The following ZNF804A variants were observed in gnomAD, a reference collection of about 807,000 sequenced individuals.
ZNF804A encodes zinc finger protein 804A.
A neutral mutation model predicts 16.5 loss-of-function variants in ZNF804A; 2 were observed. The ratio of observed to expected loss-of-function variants is 0.12; its 90% CI spans 0.05 to 0.38. The LOEUF is 0.38. Ranked by LOEUF, ZNF804A falls within the 10% of genes least tolerant of loss-of-function variation. The pLI, the probability that ZNF804A is intolerant of heterozygous loss-of-function variation, is 0.99. For missense variants in ZNF804A, 1,473 were observed against 1,390.7 expected (o/e 1.06, Z -0.94); for synonymous variants, 534 against 489.6 (o/e 1.09, Z -1.20).
At position 184,939,082 on chromosome 2, in the gene ZNF804A, A is replaced by G. The variant is rs879150486; in HGVS notation, c.*56A>G. 2.4e-5 allele frequency: 37 copies of G among 1,571,778 alleles called. No homozygotes were observed. The South Asian group carries it at 3.9e-4, about 17-fold the overall frequency. ...GTGAAAACTATTGCTATATGCGTTA[A>G]GTGTTCATCTATGTGGGTACATGGC... On this transcript the variant is annotated 3_prime_UTR_variant, in exon 4 of 4. Transcript: ENST00000302277.
At chr2:184,922,363 C>G (rs1234205432) in intron 2 of ZNF804A, among the ~76,000 whole-genome samples, 1 of 152,020 alleles carries the variant, frequency 6.6e-6, no homozygotes, top group East Asian at 1.9e-4. Context: ...TGATGTTGAG[C>G]ACATTTTCAC....
rs1378582284 is a variant in ZNF804A, at chr2:184,937,782, T to C, written c.2386T>C (p.Leu796=). The C allele has an allele frequency of 3.1e-6, 5 of 1,613,912 alleles. No individual in the cohort carries two copies. The highest frequency in any genetic ancestry group is 2.2e-5 in the East Asian group (1 of 44,876). ...ACAGAATCATTTACCAGAAGAATTT[T>C]TGAGGCCACCAAGTACTTCAGTTGC... is the stretch of plus-strand genomic sequence containing the variant. ...NRQNHLPEEF[L]RPPSTSVAPC... The change falls in exon 4 of 4, where the codon TTG becomes CTG. Residue 796 remains leucine (L), a synonymous_variant. Coordinates refer to ENST00000302277, the MANE Select transcript of ZNF804A (RefSeq NM_194250.2).
intron 1 of ZNF804A, among the ~76,000 whole-genome samples, chr2:184,671,123 A>G (rs1257934728): frequency 6.6e-6 from 1 of 152,156 alleles, no homozygotes. Flanking sequence ...CCAAGCAGTA[A>G]TCAGTTCAGG....
At chr2:184,694,094 A>G (rs1236490093) in intron 1 of ZNF804A, among the ~76,000 whole-genome samples, 19 of 149,078 alleles carry the variant, frequency 1.3e-4, no homozygotes, top group Admixed American at 1.3e-3. Context: ...ACATCCTGCT[A>G]TTTTTATTTT....
At chr2:184,808,562 A>G (rs1263635416) in intron 1 of ZNF804A, among the ~76,000 whole-genome samples, 1 of 151,582 alleles carries the variant, frequency 6.6e-6, no homozygotes, top group Non-Finnish European at 1.5e-5. Context: ...TCTTAGTTTT[A>G]AAGCATATAT....
intron 1 of ZNF804A, among the ~76,000 whole-genome samples, chr2:184,800,432 A>G (rs1420785248): frequency 6.6e-6 from 1 of 151,728 alleles, no homozygotes; most frequent in Non-Finnish European, 1.5e-5. Flanking sequence ...TCAATACTAT[A>G]TATTTACTCA....
intron 1 of ZNF804A, among the ~76,000 whole-genome samples, chr2:184,609,569 G>A (rs1691204992): frequency 6.6e-6 from 1 of 152,210 alleles, no homozygotes; most frequent in Admixed American, 6.5e-5. Context: ...TGGAGTCTGG[G>A]AAGTCCAAGA....
At chr2:184,845,930 T>A (rs1489791641) in intron 1 of ZNF804A, among the ~76,000 whole-genome samples, 4 of 152,150 alleles carry the variant, frequency 2.6e-5, no homozygotes, top group Non-Finnish European at 5.9e-5. Flanking sequence ...CTGCTCCAGA[T>A]GAACAGTTCT....
intron 1 of ZNF804A, among the ~76,000 whole-genome samples, chr2:184,748,825 C>T (rs1574193616): frequency 6.6e-6 from 1 of 151,472 alleles, no homozygotes; most frequent in Non-Finnish European, 1.5e-5. Flanking sequence ...TATTTTAGCA[C>T]CATTGATTGA....
chr2:184,902,960 C>G (rs1456215585), intron 2 of ZNF804A, among the ~76,000 whole-genome samples: 1 of 152,156 alleles, frequency 6.6e-6, no homozygotes, highest in Non-Finnish European at 1.5e-5. Context: ...ATAAAAAAGA[C>G]TATACCTTAG....
chr2:184,864,618 G>T (rs994445490), intron 1 of ZNF804A, among the ~76,000 whole-genome samples: 4 of 152,148 alleles, frequency 2.6e-5, no homozygotes, highest in Non-Finnish European at 5.9e-5. Flanking sequence ...TACTATATGT[G>T]ATGTATGCAT....
chr2:184,810,316 A>G (rs1182621104), intron 1 of ZNF804A, among the ~76,000 whole-genome samples: 3 of 152,168 alleles, frequency 2.0e-5, no homozygotes, highest in African/African-American at 7.2e-5. Context: ...TCTGGATCTT[A>G]GATTATTAAC....
At chr2:184,803,422 A>G (rs933453294) in intron 1 of ZNF804A, among the ~76,000 whole-genome samples, 2 of 151,626 alleles carry the variant, frequency 1.3e-5, no homozygotes, top group Non-Finnish European at 2.9e-5. Context: ...AACTTTTTTT[A>G]ATTGTTTTTA....
intron 1 of ZNF804A, among the ~76,000 whole-genome samples, chr2:184,687,856 C>T (rs1175887287): frequency 5.3e-5 from 8 of 152,146 alleles, no homozygotes; most frequent in Non-Finnish European, 1.2e-4. Flanking sequence ...TGGTGGTTCA[C>T]GCCTGTAATC....
intron 1 of ZNF804A, among the ~76,000 whole-genome samples, chr2:184,852,259 CTCTA>C (rs1263466514): frequency 8.7e-5 from 13 of 150,264 alleles, no homozygotes; most frequent in Non-Finnish European, 1.6e-4. Context: ...CTCTCTCTCT[CTCTA>C]TCTCTCAGAA....
intron 1 of ZNF804A, among the ~76,000 whole-genome samples, chr2:184,859,320 A>T (rs963312991): frequency 2.0e-5 from 3 of 151,608 alleles, no homozygotes; most frequent in African/African-American, 7.3e-5. Flanking sequence ...CTCTGACTGT[A>T]TATTTTTAAA....
intron 1 of ZNF804A, among the ~76,000 whole-genome samples, chr2:184,858,055 C>G (rs1695731176): frequency 6.6e-6 from 1 of 151,996 alleles, no homozygotes; most frequent in Non-Finnish European, 1.5e-5. Flanking sequence ...TCGATGCCTT[C>G]CCTTCCATTG....
intron 1 of ZNF804A, among the ~76,000 whole-genome samples, chr2:184,643,225 G>C (rs1691819664): frequency 6.6e-6 from 1 of 151,796 alleles, no homozygotes; most frequent in East Asian, 1.9e-4. Context: ...CTGTGATAAA[G>C]GACAGCAAGT....
chr2:184,832,849 G>A (rs1236503480), intron 1 of ZNF804A, among the ~76,000 whole-genome samples: 1 of 151,744 alleles, frequency 6.6e-6, no homozygotes, highest in African/African-American at 2.4e-5. Context: ...ATATTTAGTT[G>A]TTGCTTCATC....
Sources: allele counts gnomAD v4.1 joint callset (sites outside exome capture counted in the v4.1 genomes callset), GRCh38; gene constraint gnomAD v4.1.1; transcripts MANE v1.5; gene names NCBI Gene and HGNC (gene_info 2026-07-23, HGNC 2026-07-21).